UCN: variants seen among roughly 807,000 people sequenced by gnomAD.
UCN encodes the protein prepro-urocortin.
In UCN, 5 loss-of-function variants were observed where a neutral mutation model predicts 6.5. That is an observed-to-expected ratio of 0.77 (90% CI 0.40 to 1.62). UCN has a LOEUF of 1.62. UCN is among the 40% of genes most tolerant of loss of function. The probability of loss-of-function intolerance (pLI) is 0.02; values close to 1 mark genes in which losing one functional copy is unlikely to be tolerated. For missense variants in UCN, 195 were observed against 188.8 expected, an observed-to-expected ratio of 1.03 and a Z score of -0.19; for synonymous variants, 95 against 96.4, an observed-to-expected ratio of 0.99 and a Z score of 0.09.
In UCN at chr2:27,307,791, G is replaced by C; in HGVS notation, c.105C>G (p.Asp35Glu). The change falls in exon 2 of 2, where the codon GAC (aspartate) becomes GAG (glutamate). Residue 35 changes from aspartate (D) to glutamate (E), a missense_variant. Transcript: ENST00000296099. This position sits in a 1 kb window ranked among gnomAD's most constrained non-coding sequence, Gnocchi z 6.9. ...QRSPEAAGVQDPSLRWSPGAR... is the reference protein window; with the variant it reads ...QRSPEAAGVQEPSLRWSPGAR... ...CCCCGGGGCTCCAGCGCAGACTCGG[G>C]TCCTGGACCCCGGCCGCCTCGGGGC... The C allele has an allele frequency of 6.6e-7, 1 of 1,510,390 alleles. No individual in the cohort carries two copies. The highest frequency in any genetic ancestry group is 8.8e-7 in the Non-Finnish European group (1 of 1,133,424). 93.6% of individuals were successfully genotyped at this position (1,510,390 alleles called of 1,614,324 possible). A position where few individuals can be genotyped will look rare whatever the true frequency, so the allele number is the denominator to read the frequency against.
At position 27,308,387 on chromosome 2, in the gene UCN, A is replaced by G. The variant is rs1572537374; in HGVS notation, c.-241T>C. The G allele has an allele frequency of 6.5e-6, 1 of 152,856 alleles. No individual in the cohort carries two copies. The highest frequency in any genetic ancestry group is 2.4e-5 in the African/African-American group (1 of 41,460). 9.5% of individuals were successfully genotyped at this position (152,856 alleles called of 1,614,324 possible). Reference sequence around the variant, plus strand: ...GGCTGGCGGGCCCCCGGAGGGGCGCACCTCCCTACACCAGCCTTCGTGCCC... The same window carrying G: ...GGCTGGCGGGCCCCCGGAGGGGCGCGCCTCCCTACACCAGCCTTCGTGCCC... On this transcript the variant is annotated 5_prime_UTR_variant, in exon 1 of 2. Transcript: ENST00000296099. The surrounding 1 kb of genome is among the most constrained non-coding windows in gnomAD (Gnocchi z 4.2).
Position 27,307,671 on chromosome 2 carries a change from C to A in UCN, c.225G>T (p.Thr75=), listed in dbSNP as rs1305676336. The stretch of plus-strand genomic sequence containing the variant: ...TGTCCCGCCGCGGCCGCTCGCCTGC[C>A]GTCCCGAGTCCCAATCGGCCGGGCC... The part of the protein sequence containing the change: ...RAGPGRLGLG[T]AGERPRRDNP... The change falls in exon 2 of 2, where the codon ACG becomes ACT. Residue 75 remains threonine, a synonymous_variant. Transcript: ENST00000296099. The surrounding 1 kb of genome is among the most constrained non-coding windows in gnomAD (Gnocchi z 6.9). The A allele has an allele frequency of 1.2e-6, 2 of 1,601,752 alleles. No individual in the cohort carries two copies. Among genetic ancestry groups the A allele is most frequent in the Admixed American group, 1.7e-5 (1 of 58,388 alleles).
chr2:27,307,924 C>A lies in UCN; in HGVS notation c.-13-16G>T. ...GCCGCCGGCCCTGGACACACAGGGG[C>A]AGCGCAGGGTGAGGTGCGCCTGGGA... On this transcript the variant is annotated splice_polypyrimidine_tract_variant and intron_variant, in intron 1 of 1. Coordinates refer to ENST00000296099, the MANE Select transcript of UCN (RefSeq NM_003353.4). This position sits in a 1 kb window ranked among gnomAD's most constrained non-coding sequence, Gnocchi z 6.9. The A allele has an allele frequency of 7.1e-7, 1 of 1,408,740 alleles. No individual in the cohort carries two copies. The highest frequency in any genetic ancestry group is 9.2e-7 in the Non-Finnish European group (1 of 1,087,750). 87.3% of individuals were successfully genotyped at this position (1,408,740 alleles called of 1,614,324 possible). A position where few individuals can be genotyped will look rare whatever the true frequency, so the allele number is the denominator to read the frequency against.
Position 27,308,224 on chromosome 2 carries a change from T to G in UCN, c.-78A>C, listed in dbSNP as rs968232343. The G allele has an allele frequency of 1.6e-5, 4 of 247,260 alleles. No homozygotes were observed. In the South Asian group the frequency reaches 5.8e-4, roughly 36 times the overall value. 15.3% of individuals were successfully genotyped at this position (247,260 alleles called of 1,614,324 possible). The stretch of plus-strand genomic sequence containing the variant: ...CCAGTCTCTGTCCCTCGGGGCAGGC[T>G]GAAGACGCCTTGGGGAACACAGGGT... On this transcript the variant is annotated 5_prime_UTR_variant, in exon 1 of 2. Transcript: ENST00000296099. This position sits in a 1 kb window ranked among gnomAD's most constrained non-coding sequence, Gnocchi z 4.2.
chr2:27,308,193 T>C lies in UCN; in HGVS notation c.-47A>G. ...GGCGAGCGTCTGTACGGTCCAAGAT[T>C]GAGCTCCAGTCTCTGTCCCTCGGGG... On this transcript the variant is annotated 5_prime_UTR_variant, in exon 1 of 2. Coordinates refer to ENST00000296099, the MANE Select transcript of UCN (RefSeq NM_003353.4). The surrounding 1 kb of genome is among the most constrained non-coding windows in gnomAD (Gnocchi z 4.2). 3.3e-6 allele frequency: 1 copy of C among 299,836 alleles called. No individual in the cohort carries two copies. The highest frequency in any genetic ancestry group is 6.1e-5 in the East Asian group (1 of 16,414). 18.6% of individuals were successfully genotyped at this position (299,836 alleles called of 1,614,324 possible).
In UCN at chr2:27,307,766, C is replaced by A; in HGVS notation, c.130G>T (p.Ala44Ser). ...CGGGCCCCGCCACCCTGGTTCCGTG[C>A]CCCGGGGCTCCAGCGCAGACTCGGG... ...QDPSLRWSPG[A>S]RNQGGGARAL... Residue 44 changes from alanine to serine, a missense_variant, in exon 2 of 2, where the codon GCA (alanine) becomes TCA (serine). Transcript: ENST00000296099. This position sits in a 1 kb window ranked among gnomAD's most constrained non-coding sequence, Gnocchi z 6.9. 6.6e-7 allele frequency: 1 copy of A among 1,508,624 alleles called. No individual in the cohort carries two copies. Among genetic ancestry groups the A allele is most frequent in the South Asian group, 1.3e-5 (1 of 79,596 alleles). 93.5% of individuals were successfully genotyped at this position (1,508,624 alleles called of 1,614,324 possible).
In UCN at chr2:27,307,736, G is replaced by C. The variant is rs1043402827; in HGVS notation, c.160C>G (p.Leu54Val). ...AAGCGCTCCGCCAGCAGCAAGAGGA[G>C]CGCGCGGGCCCCGCCACCCTGGTTC... is the stretch of plus-strand genomic sequence containing the variant. ...ARNQGGGARALLLLLAERFPR... is the reference protein window; with the variant it reads ...ARNQGGGARAVLLLLAERFPR... The change falls in exon 2 of 2, where the codon CTC becomes GTC. Residue 54 changes from leucine (L) to valine (V), a missense_variant. By Grantham distance (32) the Leu-to-Val change is conservative (BLOSUM62 1). Transcript: ENST00000296099. This position sits in a 1 kb window ranked among gnomAD's most constrained non-coding sequence, Gnocchi z 6.9. The C allele has an allele frequency of 2.8e-5, 42 of 1,511,774 alleles. No individual in the cohort carries two copies. Among genetic ancestry groups the C allele is most frequent in the Admixed American group, 1.8e-4 (8 of 44,472 alleles). 93.6% of individuals were successfully genotyped at this position (1,511,774 alleles called of 1,614,324 possible). A position where few individuals can be genotyped will look rare whatever the true frequency, so the allele number is the denominator to read the frequency against.
Position 27,307,891 on chromosome 2 carries a change from C to T in UCN, c.5G>A (p.Arg2Lys), listed in dbSNP as rs1679285398. The T allele has an allele frequency of 2.7e-6, 4 of 1,471,076 alleles. No homozygotes were observed. The highest frequency in any genetic ancestry group is 4.9e-5 in the Admixed American group (2 of 40,834). The allele number at this position is 1,471,076 out of a possible 1,614,324, so 91.1% of individuals were successfully genotyped here. A position where few individuals can be genotyped will look rare whatever the true frequency, so the allele number is the denominator to read the frequency against. The change falls in exon 2 of 2, where the codon AGG becomes AAG. Residue 2 changes from arginine (R) to lysine (K), a missense_variant. Physicochemically the swap from Arg to Lys is conservative, Grantham distance 26. Transcript: ENST00000296099. This position sits in a 1 kb window ranked among gnomAD's most constrained non-coding sequence, Gnocchi z 6.9. M[R>K]QAGRAALLAA... ...CAGCAGCGCTGCGCGTCCCGCCTGC[C>T]TCATGGTGCCGCCGGCCCTGGACAC...
chr2:27,307,885 G>A lies in UCN; in HGVS notation c.11C>T (p.Ala4Val), dbSNP rs984626598. Residue 4 changes from alanine to valine, a missense_variant, in exon 2 of 2, where the codon GCG (alanine) becomes GTG (valine). By Grantham distance (64) the Ala-to-Val change is moderately conservative. Coordinates refer to ENST00000296099, the MANE Select transcript of UCN (RefSeq NM_003353.4). This position sits in a 1 kb window ranked among gnomAD's most constrained non-coding sequence, Gnocchi z 6.9. ...CGCGGCCAGCAGCGCTGCGCGTCCC[G>A]CCTGCCTCATGGTGCCGCCGGCCCT... MRQ[A>V]GRAALLAALL... 11 of 1,475,756 alleles carry A rather than the reference G, an allele frequency of 7.5e-6. No individual in the cohort carries two copies. Among genetic ancestry groups the A allele is most frequent in the African/African-American group, 1.5e-5 (1 of 67,902 alleles). The allele number at this position is 1,475,756 out of a possible 1,614,324, so 91.4% of individuals were successfully genotyped here.
rs915667869 is a variant in UCN at position 27,307,904 on chromosome 2, C to T, written c.-9G>A. On this transcript the variant is annotated 5_prime_UTR_variant, in exon 2 of 2. Coordinates refer to ENST00000296099, the MANE Select transcript of UCN (RefSeq NM_003353.4). This position sits in a 1 kb window ranked among gnomAD's most constrained non-coding sequence, Gnocchi z 6.9. ...CGTCCCGCCTGCCTCATGGTGCCGCCGGCCCTGGACACACAGGGGCAGCGC... is the reference window on the plus strand; with the variant it reads ...CGTCCCGCCTGCCTCATGGTGCCGCTGGCCCTGGACACACAGGGGCAGCGC... The T allele has an allele frequency of 4.8e-6, 7 of 1,451,320 alleles. No individual in the cohort carries two copies. Among genetic ancestry groups the T allele is most frequent in the East Asian group, 3.0e-5 (1 of 33,638 alleles). 89.9% of individuals were successfully genotyped at this position (1,451,320 alleles called of 1,614,324 possible).
chr2:27,307,960 C>T lies in UCN; in HGVS notation c.-13-52G>A, dbSNP rs1293733287. 1.5e-6 allele frequency: 2 copies of T among 1,318,606 alleles called. No individual in the cohort carries two copies. The highest frequency in any genetic ancestry group is 2.0e-5 in the South Asian group (1 of 48,912). 81.7% of individuals were successfully genotyped at this position (1,318,606 alleles called of 1,614,324 possible). A position where few individuals can be genotyped will look rare whatever the true frequency, so the allele number is the denominator to read the frequency against. On this transcript the variant is annotated intron_variant, in intron 1 of 1. Transcript: ENST00000296099. The surrounding 1 kb of genome is among the most constrained non-coding windows in gnomAD (Gnocchi z 6.9). ...GAGGTGCGCCTGGGACAGCTGCAGG[C>T]CGCCGCTCCCCTCCCCGCGCTCGCC... is the stretch of plus-strand genomic sequence containing the variant.
Position 27,307,855 on chromosome 2 carries a change from AGCAGCGCGGCCAGCAGC to A in UCN, c.24_40del (p.Leu9AlafsTer76), listed in dbSNP as rs1232400125. On this transcript the variant is annotated frameshift_variant, in exon 2 of 2. Transcript: ENST00000296099. LOFTEE classifies it high-confidence loss of function. The surrounding 1 kb of genome is among the most constrained non-coding windows in gnomAD (Gnocchi z 6.9). Reference sequence around the variant, plus strand: ...CCCAGGGCACAGCTGTACCAGGAGCAGCAGCGCGGCCAGCAGCGCTGCGCGTCCCGCCTGCCTCATGG... The same window carrying A: ...CCCAGGGCACAGCTGTACCAGGAGCAGCTGCGCGTCCCGCCTGCCTCATGG... The A allele has an allele frequency of 1.3e-6, 2 of 1,492,948 alleles. No individual in the cohort carries two copies. The highest frequency in any genetic ancestry group is 1.8e-6 in the Non-Finnish European group (2 of 1,129,192). The allele number at this position is 1,492,948 out of a possible 1,614,324, so 92.5% of individuals were successfully genotyped here. A position where few individuals can be genotyped will look rare whatever the true frequency, so the allele number is the denominator to read the frequency against.
Position 27,307,759 on chromosome 2 carries a change from T to C in UCN, c.137A>G (p.Asn46Ser). The C allele has an allele frequency of 6.6e-7, 1 of 1,509,232 alleles. No individual in the cohort carries two copies. Among genetic ancestry groups the C allele is most frequent in the Non-Finnish European group, 8.8e-7 (1 of 1,132,534 alleles). The allele number at this position is 1,509,232 out of a possible 1,614,324, so 93.5% of individuals were successfully genotyped here. A position where few individuals can be genotyped will look rare whatever the true frequency, so the allele number is the denominator to read the frequency against. The change falls in exon 2 of 2, where the codon AAC (asparagine) becomes AGC (serine). Residue 46 changes from asparagine (N) to serine (S), a missense_variant. Physicochemically the swap from Asn to Ser is conservative, Grantham distance 46. Coordinates refer to ENST00000296099, the MANE Select transcript of UCN (RefSeq NM_003353.4). This position sits in a 1 kb window ranked among gnomAD's most constrained non-coding sequence, Gnocchi z 6.9. ...PSLRWSPGARNQGGGARALLL... is the reference protein window; with the variant it reads ...PSLRWSPGARSQGGGARALLL... ...GAGCGCGCGGGCCCCGCCACCCTGGTTCCGTGCCCCGGGGCTCCAGCGCAG... is the reference window on the plus strand; with the variant it reads ...GAGCGCGCGGGCCCCGCCACCCTGGCTCCGTGCCCCGGGGCTCCAGCGCAG...
In UCN at chr2:27,308,417, G is replaced by C. The variant is rs1272796069; in HGVS notation, c.-271C>G. 1 of 152,682 alleles carries C rather than the reference G, an allele frequency of 6.5e-6. No individual in the cohort carries two copies. Among genetic ancestry groups the C allele is most frequent in the Non-Finnish European group, 1.5e-5 (1 of 68,366 alleles). 9.5% of individuals were successfully genotyped at this position (152,682 alleles called of 1,614,324 possible). On this transcript the variant is annotated 5_prime_UTR_variant, in exon 1 of 2. Transcript: ENST00000296099. This position sits in a 1 kb window ranked among gnomAD's most constrained non-coding sequence, Gnocchi z 4.2. ...CCTACACCAGCCTTCGTGCCCCTGG[G>C]GCTAGCGCTGGAAGCAGCACTGGAC... is the stretch of plus-strand genomic sequence containing the variant.
rs1679283287 is a variant in UCN at position 27,307,863 on chromosome 2, GGCCAGCAGCGCT to G, written c.21_32del (p.Ala11_Leu14del). The G allele has an allele frequency of 1.3e-6, 2 of 1,490,180 alleles. No homozygotes were observed. Among genetic ancestry groups the G allele is most frequent in the African/African-American group, 1.5e-5 (1 of 68,432 alleles). 92.3% of individuals were successfully genotyped at this position (1,490,180 alleles called of 1,614,324 possible). A position where few individuals can be genotyped will look rare whatever the true frequency, so the allele number is the denominator to read the frequency against. On this transcript the variant is annotated inframe_deletion, in exon 2 of 2. Coordinates refer to ENST00000296099, the MANE Select transcript of UCN (RefSeq NM_003353.4). The surrounding 1 kb of genome is among the most constrained non-coding windows in gnomAD (Gnocchi z 6.9). ...ACAGCTGTACCAGGAGCAGCAGCGC[GGCCAGCAGCGCT>G]GCGCGTCCCGCCTGCCTCATGGTGC...
Position 27,307,879 on chromosome 2 carries a change from C to A in UCN, c.17G>T (p.Arg6Leu). The change falls in exon 2 of 2, where the codon CGC becomes CTC. Residue 6 changes from arginine to leucine, a missense_variant. Transcript: ENST00000296099. The surrounding 1 kb of genome is among the most constrained non-coding windows in gnomAD (Gnocchi z 6.9). MRQAG[R>L]AALLAALLLL... ...CAGCAGCGCGGCCAGCAGCGCTGCG[C>A]GTCCCGCCTGCCTCATGGTGCCGCC... The A allele has an allele frequency of 6.8e-7, 1 of 1,479,470 alleles. No homozygotes were observed. The highest frequency in any genetic ancestry group is 1.5e-5 in the African/African-American group (1 of 68,166). 91.6% of individuals were successfully genotyped at this position (1,479,470 alleles called of 1,614,324 possible).
chr2:27,308,021 C>T lies in UCN; in HGVS notation c.-13-113G>A, dbSNP rs1679290886. On this transcript the variant is annotated intron_variant, in intron 1 of 1. Coordinates refer to ENST00000296099, the MANE Select transcript of UCN (RefSeq NM_003353.4). The surrounding 1 kb of genome is among the most constrained non-coding windows in gnomAD (Gnocchi z 4.2). The stretch of plus-strand genomic sequence containing the variant: ...TCCGGCCGCCGCCCAATGCCCGCAG[C>T]CTGCCCTCCAGCCCCAGCCACTGCG... 4 of 1,017,156 alleles carry T rather than the reference C, an allele frequency of 3.9e-6. No individual in the cohort carries two copies. In the African/African-American group the frequency reaches 5.1e-5, roughly 13 times the overall value. 63.0% of individuals were successfully genotyped at this position (1,017,156 alleles called of 1,614,324 possible).
rs1411189603 is a variant in UCN, at chr2:27,307,565, G to A, written c.331C>T (p.Arg111Cys). The part of the protein sequence containing the change: ...ELARTQSQRE[R>C]AEQNRIIFDS... ...AATATGATGCGGTTCTGCTCGGCGC[G>A]CTCCCGCTGGCTCTGCGTCCGCGCC... is the stretch of plus-strand genomic sequence containing the variant. The change falls in exon 2 of 2, where the codon CGC becomes TGC. Residue 111 changes from arginine to cysteine, a missense_variant. Transcript: ENST00000296099. This position sits in a 1 kb window ranked among gnomAD's most constrained non-coding sequence, Gnocchi z 6.9. 2 of 1,612,608 alleles carry A rather than the reference G, an allele frequency of 1.2e-6. No individual in the cohort carries two copies. The highest frequency in any genetic ancestry group is 1.1e-5 in the South Asian group (1 of 91,046).
At position 27,307,671 on chromosome 2, in the gene UCN, C is replaced by T. The variant is rs1305676336; in HGVS notation, c.225G>A (p.Thr75=). 6.2e-7 allele frequency: 1 copy of T among 1,601,866 alleles called. No homozygotes were observed. The highest frequency in any genetic ancestry group is 8.5e-7 in the Non-Finnish European group (1 of 1,175,170). The change falls in exon 2 of 2, where the codon ACG becomes ACA. Residue 75 remains threonine (T), a synonymous_variant. Transcript: ENST00000296099. This position sits in a 1 kb window ranked among gnomAD's most constrained non-coding sequence, Gnocchi z 6.9. ...TGTCCCGCCGCGGCCGCTCGCCTGC[C>T]GTCCCGAGTCCCAATCGGCCGGGCC... ...RAGPGRLGLG[T]AGERPRRDNP...
Sources: allele counts gnomAD v4.1 joint callset, GRCh38; gene constraint gnomAD v4.1.1; non-coding constraint Gnocchi (gnomAD v3.1); transcripts MANE v1.5; gene names NCBI Gene and HGNC (gene_info 2026-07-23, HGNC 2026-07-21).